The following CDH18 variants were observed in gnomAD, a reference collection of about 807,000 sequenced individuals.
CDH18 encodes the protein cadherin-18.
CDH18 carries 31 observed loss-of-function variants against 67.9 expected under a neutral mutation model. The observed-to-expected ratio is 0.46, with a 90% CI of 0.34 to 0.62. The LOEUF (loss-of-function observed/expected upper bound fraction) is 0.62. CDH18 is among the 20% of genes least tolerant of loss of function. The probability of loss-of-function intolerance (pLI) is 0.01; values close to 1 mark genes in which losing one functional copy is unlikely to be tolerated. For synonymous variants in CDH18, 362 were observed against 347.2 expected (o/e 1.04, Z -0.48); for missense variants, 890 against 975.5 (o/e 0.91, Z 1.17).
intron 1 of CDH18, among the ~76,000 whole-genome samples, chr5:20,471,733 C>G (rs1335406120): frequency 6.9e-6 from 1 of 144,388 alleles, no homozygotes; most frequent in African/African-American, 2.5e-5. Context: ...ACCCGGGAGG[C>G]GGAGGTTGCA....
At chr5:19,805,368 C>A (rs189135947) in intron 3 of CDH18, among the ~76,000 whole-genome samples, 178 of 152,304 alleles carry the variant, frequency 1.2e-3, no homozygotes, top group Middle Eastern at 0.01. Context: ...ACGCCCTCTG[C>A]AGAATTTTAA....
At chr5:19,598,390 C>A (rs989188264) in intron 6 of CDH18, among the ~76,000 whole-genome samples, 1 of 152,026 alleles carries the variant, frequency 6.6e-6, no homozygotes, top group African/African-American at 2.4e-5. Context: ...CAACTTTACG[C>A]TGGGCATTTA....
intron 1 of CDH18, among the ~76,000 whole-genome samples, chr5:20,273,742 T>C (rs997896990): frequency 6.6e-6 from 1 of 152,144 alleles, no homozygotes; most frequent in Non-Finnish European, 1.5e-5. Flanking sequence ...TATCAGTAAA[T>C]AGATGACTAC....
At chr5:19,805,398 T>C (rs1777935519) in intron 3 of CDH18, among the ~76,000 whole-genome samples, 1 of 152,178 alleles carries the variant, frequency 6.6e-6, no homozygotes, top group African/African-American at 2.4e-5. Flanking sequence ...CTCTGTGAAG[T>C]CCCAGTTTTC....
intron 2 of CDH18, among the ~76,000 whole-genome samples, chr5:19,915,811 T>C (rs1265623524): frequency 1.3e-5 from 2 of 152,112 alleles, no homozygotes; most frequent in Non-Finnish European, 2.9e-5. Context: ...TATTTGTATA[T>C]ATGTTTATTA....
chr5:20,180,580 T>A (rs1156259254), intron 2 of CDH18, among the ~76,000 whole-genome samples: 1 of 152,160 alleles, frequency 6.6e-6, no homozygotes, highest in Non-Finnish European at 1.5e-5. Flanking sequence ...TACACACAAA[T>A]GTTATGTTAA....
intron 2 of CDH18, among the ~76,000 whole-genome samples, chr5:19,958,675 G>C (rs1463357881): frequency 6.6e-6 from 1 of 152,060 alleles, no homozygotes; most frequent in African/African-American, 2.4e-5. Context: ...GTCAGCCTGG[G>C]AAGCCCCAGG....
intron 1 of CDH18, among the ~76,000 whole-genome samples, chr5:20,316,278 G>T (rs1388128535): frequency 6.6e-6 from 1 of 151,932 alleles, no homozygotes; most frequent in Non-Finnish European, 1.5e-5. Context: ...TGACATTATC[G>T]ATGTGGAAAG....
intron 1 of CDH18, among the ~76,000 whole-genome samples, chr5:20,423,546 T>C (rs1748028207): frequency 6.6e-6 from 1 of 150,620 alleles, no homozygotes; most frequent in Non-Finnish European, 1.5e-5. Context: ...ATACTGCAAG[T>C]AGAAAAAAGA....
intron 1 of CDH18, among the ~76,000 whole-genome samples, chr5:20,485,538 C>T (rs1753108548): frequency 6.6e-6 from 1 of 152,110 alleles, no homozygotes; most frequent in Non-Finnish European, 1.5e-5. Flanking sequence ...GTGTATATGG[C>T]TGTGCAGAAA....
chr5:20,381,038 C>A (rs68051826), intron 1 of CDH18, among the ~76,000 whole-genome samples: 32,100 of 151,890 alleles, frequency 0.21, 3,763 homozygotes, highest in African/African-American at 0.3. Flanking sequence ...TCCAGCCTCA[C>A]ATCTGTAGGT....
At chr5:20,067,390 T>G (rs2150519149) in intron 2 of CDH18, among the ~76,000 whole-genome samples, 1 of 151,540 alleles carries the variant, frequency 6.6e-6, no homozygotes, top group Non-Finnish European at 1.5e-5. Flanking sequence ...CTGTATGCGC[T>G]CATGTGTTGT....
intron 3 of CDH18, among the ~76,000 whole-genome samples, chr5:19,803,258 G>A (rs62355771): frequency 0.059 from 9,041 of 152,212 alleles, 313 homozygotes; most frequent in Non-Finnish European, 0.076. Context: ...TTAGGTATTA[G>A]ATTCATAATG....
At chr5:20,160,333 A>G (rs2126608532) in intron 2 of CDH18, among the ~76,000 whole-genome samples, 1 of 152,292 alleles carries the variant, frequency 6.6e-6, no homozygotes, top group Middle Eastern at 3.4e-3. Flanking sequence ...CTTTCTACCT[A>G]AGACTGAAAA....
chr5:19,688,999 T>C (rs1038903495), intron 5 of CDH18, among the ~76,000 whole-genome samples: 4 of 152,024 alleles, frequency 2.6e-5, no homozygotes, highest in Non-Finnish European at 5.9e-5. Context: ...TAAAAAGTTT[T>C]TAAAAGAATA....
At chr5:19,623,532 T>C (rs1316092826) in intron 5 of CDH18, among the ~76,000 whole-genome samples, 1 of 152,174 alleles carries the variant, frequency 6.6e-6, no homozygotes, top group Non-Finnish European at 1.5e-5. Flanking sequence ...AGAAATATTA[T>C]CATATAGACA....
chr5:19,785,279 A>G (rs950962875), intron 3 of CDH18, among the ~76,000 whole-genome samples: 2 of 152,052 alleles, frequency 1.3e-5, no homozygotes, highest in African/African-American at 4.8e-5. Context: ...CTGATCCATC[A>G]CATAATATTT....
chr5:19,704,688 T>C (rs578198659), intron 5 of CDH18, among the ~76,000 whole-genome samples: 12 of 152,282 alleles, frequency 7.9e-5, no homozygotes, highest in African/African-American at 2.9e-4. Flanking sequence ...AGAACATTGG[T>C]CACTAAGTAA....
chr5:19,716,732 T>C (rs1249724169), intron 5 of CDH18, among the ~76,000 whole-genome samples: 1 of 152,048 alleles, frequency 6.6e-6, no homozygotes, highest in East Asian at 1.9e-4. Flanking sequence ...TTAGGAGTGT[T>C]GATTAAAAAA....
Sources: allele counts gnomAD v4.1 joint callset (sites outside exome capture counted in the v4.1 genomes callset), GRCh38; gene constraint gnomAD v4.1.1; transcripts MANE v1.5; gene names NCBI Gene and HGNC (gene_info 2026-07-23, HGNC 2026-07-21).